The following PVT1 variants were observed in gnomAD, a reference collection of about 807,000 sequenced individuals.
PVT1 encodes CXCR4/PVT1 fusion.
At chr8:127,921,703 A>G (rs925999576) in intron 3 of PVT1, among the ~76,000 whole-genome samples, 3 of 151,992 alleles carry the variant, frequency 2.0e-5, no homozygotes, top group Non-Finnish European at 4.4e-5. Flanking sequence ...CTTCCTGTCT[A>G]CTTGGGAGGC....
intron 2 of PVT1, among the ~76,000 whole-genome samples, chr8:127,852,554 T>C (rs1211556965): frequency 1.3e-5 from 2 of 152,178 alleles, no homozygotes; most frequent in Non-Finnish European, 2.9e-5. Context: ...AAATAGGAGA[T>C]TTTAACAGTA....
intron 2 of PVT1, among the ~76,000 whole-genome samples, chr8:127,843,529 G>A (rs1387726255): frequency 4.6e-5 from 7 of 151,898 alleles, no homozygotes; most frequent in African/African-American, 7.3e-5. Context: ...TGTAAGCTCC[G>A]CTTCCCGGGT....
At chr8:128,015,431 C>T (rs1458123974) in intron 4 of PVT1, among the ~76,000 whole-genome samples, 1 of 151,956 alleles carries the variant, frequency 6.6e-6, no homozygotes, top group Non-Finnish European at 1.5e-5. Flanking sequence ...GATGACATAA[C>T]AAATAAACCT....
intron 4 of PVT1, among the ~76,000 whole-genome samples, chr8:128,003,244 TTCTTTCC>T (rs1226065450): frequency 8.3e-6 from 1 of 120,672 alleles, no homozygotes; most frequent in African/African-American, 3.3e-5. Context: ...CCTTCCTTCC[TTCTTTCC>T]TTCCTTCCTT....
chr8:128,020,575 C>T lies in PVT1; in HGVS notation n.912+31284C>T, dbSNP rs150534702. Among the ~76,000 whole-genome samples, 1,275 of 152,282 alleles carry T rather than the reference C, an allele frequency of 8.4e-3. 20 individuals carry two copies. The highest frequency in any genetic ancestry group is 0.029 in the African/African-American group (1,210 of 41,530). ...GCCTACAGCTGCAGGGAACTGAATT[C>T]AGCAACATGAATAAGTTTGGAAGAG... On this transcript the variant is annotated intron_variant and non_coding_transcript_variant, in intron 4 of 10. Transcript: ENST00000651587.
intron 2 of PVT1, among the ~76,000 whole-genome samples, chr8:127,800,589 C>T (rs1446650958): frequency 6.6e-6 from 1 of 152,196 alleles, no homozygotes; most frequent in East Asian, 1.9e-4. Context: ...AAATGGCAGC[C>T]TCCCTTTCTT....
intron 2 of PVT1, among the ~76,000 whole-genome samples, chr8:127,856,568 C>T (rs1328766716): frequency 6.6e-6 from 1 of 151,934 alleles, no homozygotes; most frequent in South Asian, 2.1e-4. Flanking sequence ...CTCGAACTCC[C>T]GACCTCAGGT....
At chr8:128,071,844 T>G (rs984302496) in intron 5 of PVT1, among the ~76,000 whole-genome samples, 1 of 152,168 alleles carries the variant, frequency 6.6e-6, no homozygotes, top group African/African-American at 2.4e-5. Flanking sequence ...CTGAGAGCAT[T>G]GATATATTAT....
intron 3 of PVT1, chr8:127,940,591 T>TGTG (rs1816335865): frequency 7.4e-6 from 1 of 135,726 alleles, no homozygotes; most frequent in African/African-American, 2.9e-5. Flanking sequence ...ATAGTTTTTT[T>TGTG]GTGGGGGGGG....
chr8:127,911,208 G>T, intron 3 of PVT1, among the ~76,000 whole-genome samples: 1 of 152,202 alleles, frequency 6.6e-6, no homozygotes, highest in African/African-American at 2.4e-5. Context: ...TGCAGCCTAT[G>T]TCGGGCTCCT....
intron 4 of PVT1, among the ~76,000 whole-genome samples, chr8:128,068,598 G>A (rs1177269014): frequency 6.6e-6 from 1 of 151,942 alleles, no homozygotes; most frequent in Non-Finnish European, 1.5e-5. Context: ...CCTGGTTCAA[G>A]TGATTCTCCT....
At chr8:128,099,789 C>T (rs1253280780) in intron 6 of PVT1, 1 of 151,942 alleles carries the variant, frequency 6.6e-6, no homozygotes, top group East Asian at 1.9e-4. Context: ...ATGCTGTTTT[C>T]TAGAACGTTC....
At chr8:127,933,104 T>C (rs981924875) in intron 3 of PVT1, among the ~76,000 whole-genome samples, 1 of 152,234 alleles carries the variant, frequency 6.6e-6, no homozygotes, top group Non-Finnish European at 1.5e-5. Flanking sequence ...AGATGGAGTT[T>C]CGCTCTTGTT....
chr8:128,009,547 C>T (rs1355521293), intron 4 of PVT1: 1 of 151,922 alleles, frequency 6.6e-6, no homozygotes, highest in African/African-American at 2.4e-5. Context: ...TTAACTAGAG[C>T]TCTGTGAGTT....
At chr8:128,027,739 C>T (rs1813329594) in intron 4 of PVT1, among the ~76,000 whole-genome samples, 1 of 152,220 alleles carries the variant, frequency 6.6e-6, no homozygotes, top group Non-Finnish European at 1.5e-5. Context: ...CTCAGCACTA[C>T]TGAGTGCTGG....
chr8:127,852,682 C>T (rs1405250818), intron 2 of PVT1, among the ~76,000 whole-genome samples: 1 of 152,204 alleles, frequency 6.6e-6, no homozygotes, highest in Non-Finnish European at 1.5e-5. Flanking sequence ...TTGGCACACA[C>T]TAAGAGCTCA....
chr8:127,851,440 C>T (rs1815106421), intron 2 of PVT1, among the ~76,000 whole-genome samples: 1 of 152,204 alleles, frequency 6.6e-6, no homozygotes, highest in South Asian at 2.1e-4. Flanking sequence ...CCATGGCCCT[C>T]ATCTGTACCC....
At chr8:127,825,265 C>G (rs1188613282) in intron 2 of PVT1, among the ~76,000 whole-genome samples, 1 of 151,926 alleles carries the variant, frequency 6.6e-6, no homozygotes, top group Non-Finnish European at 1.5e-5. Flanking sequence ...ATTATCAAGT[C>G]AAAGGTTCTA....
At chr8:127,842,420 A>G (rs954004623) in intron 2 of PVT1, among the ~76,000 whole-genome samples, 13 of 148,504 alleles carry the variant, frequency 8.8e-5, no homozygotes, top group Non-Finnish European at 1.8e-4. Context: ...GCACCAGGCT[A>G]TTTTTTTTTT....
Sources: allele counts gnomAD v4.1 joint callset (sites outside exome capture counted in the v4.1 genomes callset), GRCh38; gene constraint gnomAD v4.1.1; transcripts MANE v1.5; gene names NCBI Gene and HGNC (gene_info 2026-07-23, HGNC 2026-07-21).